DPYD: variants seen among roughly 807,000 people sequenced by gnomAD.
DPYD encodes the protein dihydropyrimidine dehydrogenase [NADP(+)].
A neutral mutation model predicts 116.2 loss-of-function variants in DPYD; 109 were observed. That is an observed-to-expected ratio of 0.94 (90% CI 0.80 to 1.10). The LOEUF is 1.10. Among genes scored for constraint, DPYD ranks in the 50% least tolerant of loss-of-function variants. The pLI, the probability that DPYD is intolerant of heterozygous loss-of-function variation, is 0.00. For synonymous variants in DPYD, 440 were observed against 432.0 expected (o/e 1.02, Z -0.23); for missense variants, 1,302 against 1,254.5 (o/e 1.04, Z -0.57).
chr1:97,344,532 T>A (rs377561235), intron 16 of DPYD, among the ~76,000 whole-genome samples: 1 of 151,876 alleles, frequency 6.6e-6, no homozygotes, highest in African/African-American at 2.4e-5. Flanking sequence ...ATAATACATG[T>A]ATTATTGTTA....
chr1:97,246,004 C>T (rs553159359), intron 18 of DPYD, among the ~76,000 whole-genome samples: 2 of 152,136 alleles, frequency 1.3e-5, no homozygotes, highest in African/African-American at 4.8e-5. Context: ...CAGTTGATGG[C>T]GTTTTGTTCT....
At chr1:97,682,991 C>T (rs1660507316) in intron 7 of DPYD, among the ~76,000 whole-genome samples, 2 of 151,890 alleles carry the variant, frequency 1.3e-5, no homozygotes, top group South Asian at 2.1e-4. Context: ...TCTTTATATA[C>T]TATAATATGT....
rs114872197 is a variant in DPYD, at chr1:97,098,822, A to C, written c.2623-190T>G. Among the ~76,000 whole-genome samples the C allele has an allele frequency of 2.2e-3, 336 of 152,256 alleles. 1 individual carries two copies. The highest frequency in any genetic ancestry group is 4.0e-3 in the Non-Finnish European group (274 of 67,982). ...CGGTATCAGGTTCCGTTAATTATTA[A>C]AAAGAACACAACAGTACAATACTTT... On this transcript the variant is annotated intron_variant, in intron 20 of 22. Transcript: ENST00000370192.
intron 18 of DPYD, among the ~76,000 whole-genome samples, chr1:97,252,459 A>G (rs547659320): frequency 6.6e-6 from 1 of 152,236 alleles, no homozygotes; most frequent in Admixed American, 6.5e-5. Context: ...TTTTTTTCCA[A>G]TTTATATTGT....
At chr1:97,343,972 T>C (rs1240484081) in intron 16 of DPYD, among the ~76,000 whole-genome samples, 1 of 151,956 alleles carries the variant, frequency 6.6e-6, no homozygotes, top group African/African-American at 2.4e-5. Context: ...GTTTCCATGG[T>C]AAAGCTTCTT....
chr1:97,197,521 A>T (rs1222087513), intron 19 of DPYD, among the ~76,000 whole-genome samples: 1 of 152,198 alleles, frequency 6.6e-6, no homozygotes, highest in Non-Finnish European at 1.5e-5. Context: ...ATACACTGCA[A>T]GGGATGAACA....
chr1:97,257,452 T>TATATATATATATAGAGAGAGAG (rs375490078), intron 18 of DPYD, among the ~76,000 whole-genome samples: 33 of 126,458 alleles, frequency 2.6e-4, no homozygotes, highest in South Asian at 1.4e-3. Flanking sequence ...TATATATATA[T>TATATATATATATAGAGAGAGAG]AGAGAGAGAG....
chr1:97,238,893 G>A (rs868571266), intron 18 of DPYD, among the ~76,000 whole-genome samples: 2 of 152,162 alleles, frequency 1.3e-5, no homozygotes, highest in Non-Finnish European at 1.5e-5. Context: ...GGGGAATTCA[G>A]TTACATCAAG....
At chr1:97,555,564 A>G (rs1651632613) in intron 11 of DPYD, among the ~76,000 whole-genome samples, 1 of 151,608 alleles carries the variant, frequency 6.6e-6, no homozygotes, top group Non-Finnish European at 1.5e-5. Flanking sequence ...CCTTTGCTTC[A>G]CTCCTCAAAA....
chr1:97,421,688 C>T (rs1445900901), intron 14 of DPYD, among the ~76,000 whole-genome samples: 1 of 152,102 alleles, frequency 6.6e-6, no homozygotes, highest in East Asian at 1.9e-4. Flanking sequence ...ACACAGGCAC[C>T]CTGTCTCCAT....
intron 3 of DPYD, among the ~76,000 whole-genome samples, chr1:97,780,321 A>G (rs1666668900): frequency 6.6e-6 from 1 of 152,224 alleles, no homozygotes; most frequent in Non-Finnish European, 1.5e-5. Context: ...TTTTGAGAAA[A>G]AAGTTGACAA....
chr1:97,373,836 A>G (rs943246598), intron 15 of DPYD, among the ~76,000 whole-genome samples, 192 bp from the exon 16 acceptor site: 1 of 152,108 alleles, frequency 6.6e-6, no homozygotes, highest in Non-Finnish European at 1.5e-5. Context: ...CACAACAACA[A>G]TCACACACCA....
chr1:97,701,427 A>G (rs1661592167), intron 5 of DPYD, among the ~76,000 whole-genome samples: 1 of 151,710 alleles, frequency 6.6e-6, no homozygotes, highest in African/African-American at 2.4e-5. Context: ...GACTACCAAT[A>G]GAAGTGGCCA....
intron 8 of DPYD, among the ~76,000 whole-genome samples, chr1:97,652,040 T>C (rs1282284852): frequency 2.0e-5 from 3 of 152,132 alleles, no homozygotes; most frequent in African/African-American, 7.2e-5. Flanking sequence ...ATTCTCTAAG[T>C]AAATAAATAA....
chr1:97,775,402 G>A (rs1324014682), intron 3 of DPYD, among the ~76,000 whole-genome samples: 1 of 151,992 alleles, frequency 6.6e-6, no homozygotes, highest in African/African-American at 2.4e-5. Context: ...TAACCTATCT[G>A]TCCCTTTTGC....
chr1:97,436,526 AC>A (rs1389610986), intron 14 of DPYD, among the ~76,000 whole-genome samples: 1 of 151,964 alleles, frequency 6.6e-6, no homozygotes, highest in Admixed American at 6.6e-5. Context: ...ATGTGGAAAG[AC>A]AATATTCTCA....
chr1:97,128,976 A>T (rs1021284555), intron 20 of DPYD, among the ~76,000 whole-genome samples: 1 of 152,102 alleles, frequency 6.6e-6, no homozygotes, highest in Non-Finnish European at 1.5e-5. Context: ...AACTTTGTCC[A>T]AGCCGGAGCT....
intron 14 of DPYD, among the ~76,000 whole-genome samples, chr1:97,408,199 C>T (rs1673784495): frequency 6.6e-6 from 1 of 152,082 alleles, no homozygotes; most frequent in South Asian, 2.1e-4. Context: ...AAAACCATGA[C>T]CTGCTGAGGT....
intron 5 of DPYD, among the ~76,000 whole-genome samples, chr1:97,710,439 T>C (rs1458931770): frequency 6.6e-6 from 1 of 151,812 alleles, no homozygotes; most frequent in Admixed American, 6.6e-5. Context: ...TTCATAACAA[T>C]TAGACCAGGA....
Sources: allele counts gnomAD v4.1 joint callset (sites outside exome capture counted in the v4.1 genomes callset), GRCh38; gene constraint gnomAD v4.1.1; transcripts MANE v1.5; gene names NCBI Gene and HGNC (gene_info 2026-07-23, HGNC 2026-07-21).